Variants in RSL1D1 observed in about 807,000 individuals in gnomAD.
The protein encoded by RSL1D1 is ribosomal L1 domain-containing protein 1.
A neutral mutation model predicts 44.6 loss-of-function variants in RSL1D1; 34 were observed. The observed-to-expected ratio is 0.76, with a 90% CI of 0.58 to 1.02. The LOEUF is 1.02. Among genes scored for constraint, RSL1D1 ranks in the 50% least tolerant of loss-of-function variants. The pLI is 0.00. For synonymous variants in RSL1D1, 271 were observed against 207.4 expected (o/e 1.31, Z -2.63); for missense variants, 767 against 568.1 (o/e 1.35, Z -3.56).
At chr16:11,845,223 C>T (rs760622296) in intron 5 of RSL1D1, among the ~76,000 whole-genome samples, 24 of 152,152 alleles carry the variant, frequency 1.6e-4, no homozygotes, top group Non-Finnish European at 3.2e-4. Context: ...GAGGCCAGGA[C>T]AGGAGGACCG....
At chr16:11,851,160 A>G (rs1034766659) in intron 1 of RSL1D1, 2 of 554,930 alleles carry the variant, frequency 3.6e-6, no homozygotes, top group African/African-American at 1.9e-5. Context: ...CCAGGTCGCC[A>G]GGTCTATCTC....
intron 2 of RSL1D1, 69 bp downstream of exon 2, chr16:11,850,210 T>C: frequency 7.1e-7 from 1 of 1,413,942 alleles, no homozygotes; most frequent in South Asian, 1.4e-5. Context: ...GTAACCATGA[T>C]GCAATTGTTC....
intron 5 of RSL1D1, among the ~76,000 whole-genome samples, chr16:11,845,232 C>T (rs972775714): frequency 4.6e-5 from 7 of 152,096 alleles, no homozygotes; most frequent in South Asian, 4.1e-4. Flanking sequence ...ACAGGAGGAC[C>T]GGTTTTGTCT....
intron 7 of RSL1D1, among the ~76,000 whole-genome samples, chr16:11,840,823 T>G (rs183556461): frequency 6.6e-6 from 1 of 152,190 alleles, no homozygotes; most frequent in Non-Finnish European, 1.5e-5. Context: ...CCAACGAATG[T>G]AGGTGTATGA....
At chr16:11,842,469 C>T (rs1235171677) in intron 5 of RSL1D1, among the ~76,000 whole-genome samples, 1 of 151,946 alleles carries the variant, frequency 6.6e-6, no homozygotes, top group Non-Finnish European at 1.5e-5. Flanking sequence ...ACGTACTGGG[C>T]TTAAGTAATC....
chr16:11,850,338 T>G lies in RSL1D1; in HGVS notation c.186A>C (p.Glu62Asp), dbSNP rs1160472028. 6 of 1,600,384 alleles carry G rather than the reference T, an allele frequency of 3.7e-6. No individual in the cohort carries two copies. The highest frequency in any genetic ancestry group is 5.1e-6 in the Non-Finnish European group (6 of 1,176,888). Reference protein sequence around the residue: ...NNYGLLLNENESLFLMVVLWK... With the variant: ...NNYGLLLNENDSLFLMVVLWK... ...ATAATACCACCATTAAAAATAAACT[T>G]TCATTCTCATTCAAAAGCAACCCAT... The change falls in exon 2 of 9, where the codon GAA becomes GAC. Residue 62 changes from glutamate (E) to aspartate (D), a missense_variant. Glu to Asp is a conservative substitution (Grantham distance 45, BLOSUM62 2). Coordinates refer to ENST00000571133, the MANE Select transcript of RSL1D1 (RefSeq NM_015659.3).
Position 11,851,451 on chromosome 16 carries a change from G to A in RSL1D1, c.62C>T (p.Thr21Ile). ...CTTCCGTGCTGTCGGGGCCGCTGGAGTCGAGGTGGAGGTTCCAGTAGCGGC... is the reference window on the plus strand; with the variant it reads ...CTTCCGTGCTGTCGGGGCCGCTGGAATCGAGGTGGAGGTTCCAGTAGCGGC... The part of the protein sequence containing the change: ...SAAATGTSTS[T>I]PAAPTARKQL... The change falls in exon 1 of 9, where the codon ACT (threonine) becomes ATT (isoleucine). Residue 21 changes from threonine to isoleucine, a missense_variant. Transcript: ENST00000571133. 3 of 1,614,160 alleles carry A rather than the reference G, an allele frequency of 1.9e-6. No homozygotes were observed. The highest frequency in any genetic ancestry group is 1.1e-5 in the South Asian group (1 of 91,090).
intron 2 of RSL1D1, among the ~76,000 whole-genome samples, chr16:11,848,436 C>T (rs571825266): frequency 5.9e-5 from 9 of 152,284 alleles, no homozygotes; most frequent in East Asian, 1.9e-4. Flanking sequence ...TACTGTAATG[C>T]GCTATAAAAA....
chr16:11,850,282 C>A lies in RSL1D1; in HGVS notation c.242G>T (p.Arg81Ile). The A allele has an allele frequency of 6.4e-7, 1 of 1,572,704 alleles. No homozygotes were observed. Among genetic ancestry groups the A allele is most frequent in the South Asian group, 1.2e-5 (1 of 83,804 alleles). ...WKIPSKELRV[R>I]LTLPHSIRSD... ...AAGGTAGAAAATCACAACTTACAAT[C>A]TGACCCTCAGTTCTTTACTTGGAAT... The change falls in exon 2 of 9, where the codon AGA becomes ATA. Residue 81 changes from arginine (R) to isoleucine (I), a missense_variant. By Grantham distance (97) the Arg-to-Ile change is moderately conservative. Coordinates refer to ENST00000571133, the MANE Select transcript of RSL1D1 (RefSeq NM_015659.3).
At position 11,837,728 on chromosome 16, in the gene RSL1D1, G is replaced by GT; in HGVS notation, c.*58dup. On this transcript the variant is annotated 3_prime_UTR_variant, in exon 9 of 9. Coordinates refer to ENST00000571133, the MANE Select transcript of RSL1D1 (RefSeq NM_015659.3). Reference sequence around the variant, plus strand: ...GGTTACAAAGGCGGCCAGGATCTGAGTATTTCCAAAAAGCTCTGGAGGCAG... The same window carrying GT: ...GGTTACAAAGGCGGCCAGGATCTGAGTTATTTCCAAAAAGCTCTGGAGGCAG... 7.0e-7 allele frequency: 1 copy of GT among 1,432,818 alleles called. No homozygotes were observed. The highest frequency in any genetic ancestry group is 1.3e-5 in the South Asian group (1 of 76,256). 88.8% of individuals were successfully genotyped at this position (1,432,818 alleles called of 1,614,324 possible). A position where few individuals can be genotyped will look rare whatever the true frequency, so the allele number is the denominator to read the frequency against.
chr16:11,840,931 C>T (rs1038345590), intron 7 of RSL1D1, among the ~76,000 whole-genome samples: 3 of 152,170 alleles, frequency 2.0e-5, no homozygotes, highest in African/African-American at 4.8e-5. Flanking sequence ...CACCTACAAC[C>T]GTGGATGGGA....
Position 11,841,714 on chromosome 16 carries a change from A to G in RSL1D1, c.836T>C (p.Leu279Ser). 3.7e-6 allele frequency: 6 copies of G among 1,612,734 alleles called. No homozygotes were observed. The highest frequency in any genetic ancestry group is 3.3e-5 in the South Asian group (3 of 90,600). Reference sequence around the variant, plus strand: ...ACTAACTTTTTTCTTCTTATTAAGCAAAGATCTTTTGGTGGCTTCATCCCA... The same window carrying G: ...ACTAACTTTTTTCTTCTTATTAAGCGAAGATCTTTTGGTGGCTTCATCCCA... The part of the protein sequence containing the change: ...SNWDEATKRS[L>S]LNKKKKEARR... Residue 279 changes from leucine to serine, a missense_variant, in exon 7 of 9, where the codon TTG becomes TCG. By Grantham distance (145) the Leu-to-Ser change is moderately radical. Coordinates refer to ENST00000571133, the MANE Select transcript of RSL1D1 (RefSeq NM_015659.3).
chr16:11,843,383 A>G (rs1228417075), intron 5 of RSL1D1, among the ~76,000 whole-genome samples: 1 of 151,822 alleles, frequency 6.6e-6, no homozygotes, highest in Non-Finnish European at 1.5e-5. Flanking sequence ...GGCAGTGATT[A>G]AAGAGCTGGT....
chr16:11,847,010 C>A (rs1002072250), intron 3 of RSL1D1, among the ~76,000 whole-genome samples, 167 bp from the exon 4 acceptor site: 1 of 152,122 alleles, frequency 6.6e-6, no homozygotes, highest in Non-Finnish European at 1.5e-5. Flanking sequence ...ACGCTACATG[C>A]TGGGAACACT....
intron 8 of RSL1D1, among the ~76,000 whole-genome samples, chr16:11,838,852 G>C (rs900827260): frequency 9.1e-6 from 1 of 110,272 alleles, no homozygotes; most frequent in Non-Finnish European, 1.6e-5. Context: ...GTGAGACCTT[G>C]TCTCAAAAAA....
Position 11,837,835 on chromosome 16 carries a change from G to A in RSL1D1, c.1425C>T (p.His475=), listed in dbSNP as rs2053732853. 6.2e-7 allele frequency: 1 copy of A among 1,613,208 alleles called. No individual in the cohort carries two copies. The highest frequency in any genetic ancestry group is 1.3e-5 in the African/African-American group (1 of 74,904). The change falls in exon 9 of 9, where the codon CAC becomes CAT. Residue 475 remains histidine (H), a synonymous_variant. Coordinates refer to ENST00000571133, the MANE Select transcript of RSL1D1 (RefSeq NM_015659.3). ...GTTTTTTGGGCCATTTTTTGGGGGT[G>A]TGGGAAGCTTTTCTCACAGATTTAC... ...TPSKSVRKAS[H]TPKKWPKKPK... is the part of the protein sequence containing the mutation.
chr16:11,839,079 C>A (rs1418068715), intron 8 of RSL1D1, among the ~76,000 whole-genome samples: 3 of 151,792 alleles, frequency 2.0e-5, no homozygotes, highest in Admixed American at 6.6e-5. Flanking sequence ...TAAAAGCCAA[C>A]TGGTGGCTGA....
chr16:11,847,499 T>G, intron 3 of RSL1D1, 169 bp downstream of exon 3: 1 of 595,466 alleles, frequency 1.7e-6, no homozygotes, highest in South Asian at 2.1e-5. Context: ...AGCCACCTCT[T>G]TTATAATTTG....
In RSL1D1 at chr16:11,834,185, G is replaced by C. The variant is rs971434918; in HGVS notation, c.*3602C>G. On this transcript the variant is annotated 3_prime_UTR_variant, in exon 9 of 9. Transcript: ENST00000571133. ...TCTGAAGCCTTGGAAACATAGTACA[G>C]AATGTACCCATTTTAGGATGATTCA... 1 of 152,194 alleles carries C rather than the reference G, an allele frequency of 6.6e-6. No homozygotes were observed. The highest frequency in any genetic ancestry group is 1.5e-5 in the Non-Finnish European group (1 of 68,046). 9.4% of individuals were successfully genotyped at this position (152,194 alleles called of 1,614,324 possible).
Sources: gnomAD v4.1 joint callset for allele counts (sites outside exome capture counted in the v4.1 genomes callset) on GRCh38, gnomAD v4.1.1 for gene constraint, MANE v1.5 for transcripts, NCBI Gene and HGNC (gene_info 2026-07-23, HGNC 2026-07-21) for gene names.